CAMTA1: variants seen among roughly 807,000 people sequenced by gnomAD.
CAMTA1 encodes the protein calmodulin binding transcription activator 1.
CAMTA1 carries 27 observed loss-of-function variants against 170.9 expected under a neutral mutation model. The ratio of observed to expected loss-of-function variants is 0.16; its 90% CI spans 0.12 to 0.22. CAMTA1 has a LOEUF of 0.22. Ranked by LOEUF, CAMTA1 falls within the 10% of genes least tolerant of loss-of-function variation. CAMTA1 has a pLI of 1.00. For missense variants in CAMTA1, 1,619 were observed against 2,217.2 expected (o/e 0.73, Z 5.42); for synonymous variants, 833 against 891.5 (o/e 0.93, Z 1.17).
At chr1:7,340,773 C>A (rs1351351246) in intron 5 of CAMTA1, among the ~76,000 whole-genome samples, 1 of 151,120 alleles carries the variant, frequency 6.6e-6, no homozygotes, top group Non-Finnish European at 1.5e-5. Flanking sequence ...TCCATCCATA[C>A]ACTGTCTCAT....
At chr1:7,380,743 G>C (rs1184615651) in intron 5 of CAMTA1, among the ~76,000 whole-genome samples, 1 of 152,206 alleles carries the variant, frequency 6.6e-6, no homozygotes, top group Admixed American at 6.5e-5. Context: ...ATAACAAACA[G>C]TCCTCCCTTC....
rs1245796308 is a variant in CAMTA1 at position 7,534,310 on chromosome 1, T to G, written c.510+66409T>G. The stretch of plus-strand genomic sequence containing the variant: ...GGGGGCCGCGGGGCTATTTTTAGTT[T>G]GCGTCAACATCCCCCTCCAAGCATC... On this transcript the variant is annotated intron_variant, in intron 6 of 22. Coordinates refer to ENST00000303635, the MANE Select transcript of CAMTA1 (RefSeq NM_015215.4). The surrounding 1 kb of genome is among the most constrained non-coding windows in gnomAD (Gnocchi z 5.6). Among the ~76,000 whole-genome samples, 1 of 152,172 alleles carries G rather than the reference T, an allele frequency of 6.6e-6. No individual in the cohort carries two copies. The highest frequency in any genetic ancestry group is 2.4e-5 in the African/African-American group (1 of 41,456).
chr1:6,793,590 A>G (rs1243807194), intron 1 of CAMTA1, among the ~76,000 whole-genome samples: 2 of 152,200 alleles, frequency 1.3e-5, no homozygotes, highest in Non-Finnish European at 2.9e-5. Flanking sequence ...AGTGTCTATG[A>G]TAAGGGATAC....
chr1:7,705,000 GCGT>G (rs2096495210), intron 11 of CAMTA1, among the ~76,000 whole-genome samples: 2 of 124,182 alleles, frequency 1.6e-5, no homozygotes, highest in South Asian at 2.6e-4. Flanking sequence ...GTGGGGACAC[GCGT>G]GCTCGCGGGC....
At chr1:7,541,971 C>T (rs1056998428) in intron 6 of CAMTA1, among the ~76,000 whole-genome samples, 14 of 152,224 alleles carry the variant, frequency 9.2e-5, no homozygotes, top group Non-Finnish European at 1.3e-4. Flanking sequence ...CAGAACCAAG[C>T]GTTACACCCC....
chr1:6,901,842 T>A (rs1159689073), intron 3 of CAMTA1, among the ~76,000 whole-genome samples: 1 of 151,976 alleles, frequency 6.6e-6, no homozygotes. Flanking sequence ...AGTCAGGAGT[T>A]CAAGACCAGC....
At chr1:7,352,792 C>T (rs981914969) in intron 5 of CAMTA1, among the ~76,000 whole-genome samples, 5 of 152,206 alleles carry the variant, frequency 3.3e-5, no homozygotes, top group Non-Finnish European at 2.9e-5. Flanking sequence ...CTAGAGGTTA[C>T]ACCTCCTCCC....
intron 3 of CAMTA1, among the ~76,000 whole-genome samples, chr1:6,902,073 AAAAAAAAAAAT>A (rs1677131650): frequency 1.3e-5 from 1 of 78,460 alleles, no homozygotes; most frequent in South Asian, 5.2e-4. Context: ...ACACACACAC[AAAAAAAAAAAT>A]AAAAATAAAA....
At chr1:7,595,125 G>T (rs553043727) in intron 6 of CAMTA1, among the ~76,000 whole-genome samples, 2 of 152,322 alleles carry the variant, frequency 1.3e-5, no homozygotes, top group African/African-American at 4.8e-5. Context: ...GGTCTTTCAG[G>T]ATAGGGGTCC....
chr1:7,587,641 G>C (rs1480123332), intron 6 of CAMTA1, among the ~76,000 whole-genome samples: 1 of 152,098 alleles, frequency 6.6e-6, no homozygotes, highest in East Asian at 1.9e-4. Flanking sequence ...AGGGGGATAT[G>C]CTCCTTTCAG....
At position 7,380,404 on chromosome 1, in the gene CAMTA1, G is replaced by A. The variant is rs531411987; in HGVS notation, c.439-87426G>A. ...AGCCTGACCAACATGGAGAAACCCC[G>A]TCTCTACTAAAAATACAAAATTAGC... On this transcript the variant is annotated intron_variant, in intron 5 of 22. Coordinates refer to ENST00000303635, the MANE Select transcript of CAMTA1 (RefSeq NM_015215.4). Among the ~76,000 whole-genome samples, 659 of 152,152 alleles carry A rather than the reference G, an allele frequency of 4.3e-3. 2 individuals carry two copies. Among genetic ancestry groups the A allele is most frequent in the Admixed American group, 7.5e-3 (115 of 15,286 alleles).
rs2092320188 is a variant in CAMTA1 at position 7,435,578 on chromosome 1, T to A, written c.439-32252T>A. Among the ~76,000 whole-genome samples, 1 of 152,212 alleles carries A rather than the reference T, an allele frequency of 6.6e-6. No individual in the cohort carries two copies. Among genetic ancestry groups the A allele is most frequent in the African/African-American group, 2.4e-5 (1 of 41,454 alleles). The stretch of plus-strand genomic sequence containing the variant: ...TCAGCCTGGTTCACTGTGGTGGCAG[T>A]GGAGCGCAGTCCCCATGCTTGGGGA... On this transcript the variant is annotated intron_variant, in intron 5 of 22. Transcript: ENST00000303635. The surrounding 1 kb of genome is among the most constrained non-coding windows in gnomAD (Gnocchi z 4.4).
chr1:7,602,560 G>T (rs2095455507), intron 6 of CAMTA1, among the ~76,000 whole-genome samples: 1 of 152,022 alleles, frequency 6.6e-6, no homozygotes, highest in Non-Finnish European at 1.5e-5. Flanking sequence ...TTCTGTATTA[G>T]TCTTGCTAGC....
intron 3 of CAMTA1, among the ~76,000 whole-genome samples, chr1:7,030,871 G>A (rs1261750694): frequency 6.7e-6 from 1 of 149,960 alleles, no homozygotes; most frequent in African/African-American, 2.5e-5. Flanking sequence ...TCCTTGCTCT[G>A]TTGCCCAGGC....
At position 7,193,750 on chromosome 1, in the gene CAMTA1, T is replaced by A. The variant is rs559431554; in HGVS notation, c.303-55741T>A. On this transcript the variant is annotated intron_variant, in intron 4 of 22. Transcript: ENST00000303635. ...AGGGATAGAATGTGAGCACTTTGGA[T>A]GTCTGGAATTCTGTAAGAACCCAAT... Among the ~76,000 whole-genome samples the A allele has an allele frequency of 2.8e-4, 43 of 152,234 alleles. 1 individual carries two copies. Among genetic ancestry groups the A allele is most frequent in the Non-Finnish European group, 1.9e-4 (13 of 67,996 alleles).
At chr1:7,119,371 G>C (rs1402660336) in intron 4 of CAMTA1, among the ~76,000 whole-genome samples, 1 of 152,126 alleles carries the variant, frequency 6.6e-6, no homozygotes, top group Non-Finnish European at 1.5e-5. Flanking sequence ...TTAAACATGA[G>C]AGACACAAAC....
intron 3 of CAMTA1, among the ~76,000 whole-genome samples, chr1:6,914,584 G>T (rs968778436): frequency 6.6e-6 from 1 of 152,186 alleles, no homozygotes; most frequent in Non-Finnish European, 1.5e-5. Context: ...TGTGGCCTCC[G>T]ACTAGTGGTT....
chr1:7,474,271 C>T (rs965440094), intron 6 of CAMTA1, among the ~76,000 whole-genome samples: 6 of 136,800 alleles, frequency 4.4e-5, no homozygotes, highest in African/African-American at 1.6e-4. Flanking sequence ...GTCTCTGAGT[C>T]TCAGTTAGCT....
rs2096687220 is a variant in CAMTA1 at position 7,726,463 on chromosome 1, A to T, written c.2915-5985A>T. Among the ~76,000 whole-genome samples the T allele has an allele frequency of 2.2e-5, 3 of 133,732 alleles. No homozygotes were observed. The Admixed American group carries it at 2.2e-4, about 10-fold the overall frequency. The allele number at this position is 133,732 out of a possible 152,430, so 87.7% of individuals were successfully genotyped here. A position where few individuals can be genotyped will look rare whatever the true frequency, so the allele number is the denominator to read the frequency against. On this transcript the variant is annotated intron_variant, in intron 11 of 22. Coordinates refer to ENST00000303635, the MANE Select transcript of CAMTA1 (RefSeq NM_015215.4). The stretch of plus-strand genomic sequence containing the variant: ...TGCAACTAACTTTTGTGAGGTTTGT[A>T]TTGATACCTAGAAGGCTCTAAGTAG...
Sources: allele counts gnomAD v4.1 joint callset (sites outside exome capture counted in the v4.1 genomes callset), GRCh38; gene constraint gnomAD v4.1.1; non-coding constraint Gnocchi (gnomAD v3.1); transcripts MANE v1.5; gene names NCBI Gene and HGNC (gene_info 2026-07-23, HGNC 2026-07-21).